Variants in ZNF354C observed in about 807,000 individuals in gnomAD.
ZNF354C encodes the protein zinc finger protein 354C, also known as KRAB-zinc finger protein synten.
A neutral mutation model predicts 12.4 loss-of-function variants in ZNF354C; 7 were observed. The observed-to-expected ratio is 0.56, with a 90% confidence interval of 0.32 to 1.06. ZNF354C has a LOEUF of 1.06. Ranked by LOEUF, ZNF354C falls within the 50% of genes least tolerant of loss-of-function variation. ZNF354C has a pLI of 0.04. For synonymous variants in ZNF354C, 202 were observed against 224.5 expected (o/e 0.90, Z 0.90); for missense variants, 609 against 658.0 (o/e 0.93, Z 0.81).
chr5:179,079,364 A>G lies in ZNF354C; in HGVS notation c.932A>G (p.Gln311Arg). The G allele has an allele frequency of 5.6e-6, 9 of 1,614,176 alleles. No individual in the cohort carries two copies. The highest frequency in any genetic ancestry group is 7.6e-6 in the Non-Finnish European group (9 of 1,180,040). The change falls in exon 5 of 5, where the codon CAG (glutamine) becomes CGG (arginine). Residue 311 changes from glutamine to arginine, a missense_variant. Transcript: ENST00000315475. The surrounding 1 kb of genome is among the most constrained non-coding windows in gnomAD (Gnocchi z 4.2). ...RCRECGKAFS[Q>R]CSTLTVHQRI... ...AGGGAATGTGGTAAAGCCTTTAGCCAGTGTTCAACCCTCACTGTACATCAG... is the reference window on the plus strand; with the variant it reads ...AGGGAATGTGGTAAAGCCTTTAGCCGGTGTTCAACCCTCACTGTACATCAG...
intron 2 of ZNF354C, among the ~76,000 whole-genome samples, chr5:179,068,624 CTTT>C (rs60825556): frequency 2.1e-5 from 3 of 140,434 alleles, no homozygotes; most frequent in African/African-American, 2.7e-5. Flanking sequence ...AAAAAGAATG[CTTT>C]TTTTTTTTTT....
At chr5:179,067,845 C>CA (rs1012735682) in intron 2 of ZNF354C, among the ~76,000 whole-genome samples, 31 of 144,092 alleles carry the variant, frequency 2.2e-4, no homozygotes, top group East Asian at 1.4e-3. Flanking sequence ...GACTCTGTCT[C>CA]AAAAAAAAAA....
In ZNF354C at chr5:179,060,617, C is replaced by T. The variant is rs954443703; in HGVS notation, c.-104C>T. On this transcript the variant is annotated 5_prime_UTR_variant, in exon 1 of 5. Transcript: ENST00000315475. This position sits in a 1 kb window ranked among gnomAD's most constrained non-coding sequence, Gnocchi z 4.2. The stretch of plus-strand genomic sequence containing the variant: ...GGCCACTGGGTCCCGGGGCGCCGTC[C>T]GCGAGCGGCCTGGACTGCCGGAGAC... The T allele has an allele frequency of 1.3e-5, 2 of 152,262 alleles. No homozygotes were observed. Among genetic ancestry groups the T allele is most frequent in the African/African-American group, 4.8e-5 (2 of 41,456 alleles). 9.4% of individuals were successfully genotyped at this position (152,262 alleles called of 1,614,324 possible).
intron 4 of ZNF354C, among the ~76,000 whole-genome samples, chr5:179,077,964 C>T (rs997909584): frequency 4.6e-5 from 7 of 152,028 alleles, no homozygotes; most frequent in African/African-American, 1.7e-4. Context: ...TGCCACCACG[C>T]CTAGCTAATT....
In ZNF354C at chr5:179,083,152, G is replaced by C. The variant is rs1011157902; in HGVS notation, c.*3055G>C. The C allele has an allele frequency of 8.1e-5, 38 of 469,162 alleles. No individual in the cohort carries two copies. Among genetic ancestry groups the C allele is most frequent in the African/African-American group, 7.4e-4 (37 of 50,064 alleles). The allele number at this position is 469,162 out of a possible 1,614,324, so 29.1% of individuals were successfully genotyped here. On this transcript the variant is annotated 3_prime_UTR_variant, in exon 5 of 5. Transcript: ENST00000315475. ...CAAAAAGTGGTCTCTGCTAGATTAA[G>C]ACAAGAGACATAACCAAATGGAAAG...
rs75387589 is a variant in ZNF354C at position 179,082,701 on chromosome 5, T to G, written c.*2604T>G. On this transcript the variant is annotated 3_prime_UTR_variant, in exon 5 of 5. Transcript: ENST00000315475. The stretch of plus-strand genomic sequence containing the variant: ...GTCAATGACACCAGCTTGACGGATC[T>G]TTCTTTCTGCACCAAACCCCATTGA... The G allele has an allele frequency of 0.082, 128,978 of 1,578,748 alleles. 6,644 individuals carry two copies. The highest frequency in any genetic ancestry group is 0.2 in the African/African-American group (14,775 of 73,398).
Position 179,083,117 on chromosome 5 carries a change from T to C in ZNF354C, c.*3020T>C. 1 of 563,818 alleles carries C rather than the reference T, an allele frequency of 1.8e-6. No homozygotes were observed. Among genetic ancestry groups the C allele is most frequent in the Non-Finnish European group, 3.2e-6 (1 of 314,414 alleles). 34.9% of individuals were successfully genotyped at this position (563,818 alleles called of 1,614,324 possible). A position where few individuals can be genotyped will look rare whatever the true frequency, so the allele number is the denominator to read the frequency against. On this transcript the variant is annotated 3_prime_UTR_variant, in exon 5 of 5. Coordinates refer to ENST00000315475, the MANE Select transcript of ZNF354C (RefSeq NM_014594.3). ...TGGTCTGGACTTTTCAAAAAGCAAATGTAGTAAAACAAAAAGTGGTCTCTG... is the reference window on the plus strand; with the variant it reads ...TGGTCTGGACTTTTCAAAAAGCAAACGTAGTAAAACAAAAAGTGGTCTCTG...
intron 4 of ZNF354C, among the ~76,000 whole-genome samples, chr5:179,078,047 T>C (rs1762152442): frequency 1.3e-5 from 2 of 152,228 alleles, no homozygotes; most frequent in Admixed American, 1.3e-4. Context: ...GCTCAGGTGA[T>C]CCACCTGCCT....
rs34702354 is a variant in ZNF354C, at chr5:179,074,291, C to CTT, written c.28-2139_28-2138dup. Among the ~76,000 whole-genome samples, 1,132 of 139,386 alleles carry CTT rather than the reference C, an allele frequency of 8.1e-3. 6 individuals carry two copies. The highest frequency in any genetic ancestry group is 0.012 in the Non-Finnish European group (748 of 64,640). 91.4% of individuals were successfully genotyped at this position (139,386 alleles called of 152,430 possible). A position where few individuals can be genotyped will look rare whatever the true frequency, so the allele number is the denominator to read the frequency against. ...CCACCGCGCCTGGCTAATTTTTGTA[C>CTT]TTTTTTTTTTTTTTTTAGTAGAGAC... is the stretch of plus-strand genomic sequence containing the variant. On this transcript the variant is annotated intron_variant, in intron 2 of 4. Transcript: ENST00000315475.
rs758474478 is a variant in ZNF354C, at chr5:179,067,865, G to GAAT, written c.27+5771_27+5773dup. Among the ~76,000 whole-genome samples the GAAT allele has an allele frequency of 1.1e-4, 16 of 151,854 alleles. No individual in the cohort carries two copies. In the East Asian group the frequency reaches 2.7e-3, roughly 26 times the overall value. ...TGTCTCAAAAAAAAAAGAAGAAGAA[G>GAAT]AATGAGGTTTGAGGCTGGACATAGT... is the stretch of plus-strand genomic sequence containing the variant. On this transcript the variant is annotated intron_variant, in intron 2 of 4. Coordinates refer to ENST00000315475, the MANE Select transcript of ZNF354C (RefSeq NM_014594.3).
Position 179,060,950 on chromosome 5 carries a change from T to A in ZNF354C, c.-55+284T>A, listed in dbSNP as rs553434670. Reference sequence around the variant, plus strand: ...CATTGCCCCAGATGTAACTGGGGCCTGGGGCTAGGATCAGGATTGCCTTCC... The same window carrying A: ...CATTGCCCCAGATGTAACTGGGGCCAGGGGCTAGGATCAGGATTGCCTTCC... On this transcript the variant is annotated intron_variant, in intron 1 of 4. Transcript: ENST00000315475. The surrounding 1 kb of genome is among the most constrained non-coding windows in gnomAD (Gnocchi z 4.2). Among the ~76,000 whole-genome samples, 17 of 152,280 alleles carry A rather than the reference T, an allele frequency of 1.1e-4. No homozygotes were observed. Among genetic ancestry groups the A allele is most frequent in the South Asian group, 6.2e-4 (3 of 4,824 alleles).
intron 2 of ZNF354C, among the ~76,000 whole-genome samples, chr5:179,066,304 T>C (rs1009494069): frequency 1.3e-5 from 2 of 152,254 alleles, no homozygotes; most frequent in Admixed American, 1.3e-4. Flanking sequence ...CCCTCTTCCT[T>C]ACGGCATTGC....
chr5:179,067,211 T>C (rs1761968999), intron 2 of ZNF354C, among the ~76,000 whole-genome samples: 1 of 152,180 alleles, frequency 6.6e-6, no homozygotes, highest in Admixed American at 6.5e-5. Flanking sequence ...GCCTCAGTCG[T>C]TCACATGTCA....
At chr5:179,077,811 T>G (rs1267499677) in intron 4 of ZNF354C, among the ~76,000 whole-genome samples, 2 of 142,824 alleles carry the variant, frequency 1.4e-5, no homozygotes, top group Non-Finnish European at 3.1e-5. Flanking sequence ...CCCCACTCCT[T>G]TTTTTTTTTT....
intron 2 of ZNF354C, among the ~76,000 whole-genome samples, chr5:179,062,307 G>T (rs886754525): frequency 6.6e-6 from 1 of 152,108 alleles, no homozygotes; most frequent in Non-Finnish European, 1.5e-5. Context: ...AATTCACCCC[G>T]CTCACTCTGT....
At chr5:179,069,576 A>AAAG (rs896349680) in intron 2 of ZNF354C, among the ~76,000 whole-genome samples, 7 of 149,914 alleles carry the variant, frequency 4.7e-5, no homozygotes, top group African/African-American at 1.7e-4. Context: ...AAAAAAAAAA[A>AAAG]AAAGAAAGGC....
chr5:179,082,639 C>A lies in ZNF354C; in HGVS notation c.*2542C>A. Reference sequence around the variant, plus strand: ...TTCACCAGATTCCTCCCAACTTGATCATAGTGGATTAATGACGTGCTTTGT... The same window carrying A: ...TTCACCAGATTCCTCCCAACTTGATAATAGTGGATTAATGACGTGCTTTGT... On this transcript the variant is annotated 3_prime_UTR_variant, in exon 5 of 5. Coordinates refer to ENST00000315475, the MANE Select transcript of ZNF354C (RefSeq NM_014594.3). The A allele has an allele frequency of 1.3e-6, 2 of 1,498,158 alleles. No homozygotes were observed. Among genetic ancestry groups the A allele is most frequent in the Non-Finnish European group, 1.9e-6 (2 of 1,078,340 alleles). 92.8% of individuals were successfully genotyped at this position (1,498,158 alleles called of 1,614,324 possible).
chr5:179,069,623 T>TG (rs1270718389), intron 2 of ZNF354C, among the ~76,000 whole-genome samples: 1 of 148,542 alleles, frequency 6.7e-6, no homozygotes, highest in Non-Finnish European at 1.5e-5. Context: ...CCCAGCACTT[T>TG]GGGAGGCCGA....
At chr5:179,061,060 G>A (rs2113102566) in intron 1 of ZNF354C, among the ~76,000 whole-genome samples, 1 of 152,320 alleles carries the variant, frequency 6.6e-6, no homozygotes, top group Non-Finnish European at 1.5e-5. Context: ...AAAATACTGC[G>A]TGGAAAACAC....
Sources: gnomAD v4.1 joint callset for allele counts (sites outside exome capture counted in the v4.1 genomes callset) on GRCh38, gnomAD v4.1.1 for gene constraint, Gnocchi (gnomAD v3.1) non-coding constraint, MANE v1.5 for transcripts, NCBI Gene and HGNC (gene_info 2026-07-23, HGNC 2026-07-21) for gene names.